LRRK2: variants seen among roughly 807,000 people sequenced by gnomAD.
The protein encoded by LRRK2 is leucine rich repeat kinase 2.
Under a neutral mutation model 302.6 loss-of-function variants are expected in LRRK2, and 203 were observed. The ratio of observed to expected loss-of-function variants is 0.67; its 90% CI spans 0.60 to 0.75. The LOEUF (loss-of-function observed/expected upper bound fraction) is 0.75. LRRK2 is among the 30% of genes least tolerant of loss of function. The probability of loss-of-function intolerance (pLI) is 0.00; values close to 1 mark genes in which losing one functional copy is unlikely to be tolerated. For missense variants in LRRK2, 2,830 were observed against 2,951.0 expected, an observed-to-expected ratio of 0.96 and a Z score of 0.95; for synonymous variants, 1,066 against 1,031.9, an observed-to-expected ratio of 1.03 and a Z score of -0.63.
chr12:40,246,151 G>GT (rs1282022833), intron 7 of LRRK2, among the ~76,000 whole-genome samples: 3 of 151,502 alleles, frequency 2.0e-5, no homozygotes, highest in African/African-American at 7.3e-5. Context: ...CTTTGCTTTT[G>GT]TTTTTTCAAT....
Position 40,225,143 on chromosome 12 carries a change from C to T in LRRK2, c.12C>T (p.Gly4=). The change falls in exon 1 of 51, where the codon GGC becomes GGT. Residue 4 remains glycine, a synonymous_variant. Coordinates refer to ENST00000298910, the MANE Select transcript of LRRK2 (RefSeq NM_198578.4). ...AAGCAGGTGCCACCATGGCTAGTGG[C>T]AGCTGTCAGGGGTGCGAAGAGGACG... MAS[G]SCQGCEEDEE... 1 of 1,613,930 alleles carries T rather than the reference C, an allele frequency of 6.2e-7. No individual in the cohort carries two copies. The highest frequency in any genetic ancestry group is 8.5e-7 in the Non-Finnish European group (1 of 1,179,990).
At chr12:40,281,059 C>T (rs918094436) in intron 18 of LRRK2, among the ~76,000 whole-genome samples, 4 of 129,660 alleles carry the variant, frequency 3.1e-5, no homozygotes, top group Non-Finnish European at 5.0e-5. Flanking sequence ...CAGAGTGAGA[C>T]TCCGTCTCAA....
chr12:40,299,078 A>G (rs200110253), intron 24 of LRRK2, 31 bp from the exon 25 acceptor site: 5 of 1,608,566 alleles, frequency 3.1e-6, no homozygotes, highest in Non-Finnish European at 4.2e-6. Context: ...AATTTATGCA[A>G]TTTAATCATT....
chr12:40,233,161 G>A (rs1474522568), intron 3 of LRRK2, among the ~76,000 whole-genome samples: 1 of 152,160 alleles, frequency 6.6e-6, no homozygotes, highest in African/African-American at 2.4e-5. Context: ...AGGTTGCAGT[G>A]AGCCGAGATT....
chr12:40,368,513 A>G lies in LRRK2; in HGVS notation c.*748A>G, dbSNP rs912117117. ...TTTTCAACTCTATGTTTGAATGTGG[A>G]TACCCTGAATTTTGTATAATTAGTG... On this transcript the variant is annotated 3_prime_UTR_variant, in exon 51 of 51. Coordinates refer to ENST00000298910, the MANE Select transcript of LRRK2 (RefSeq NM_198578.4). The G allele has an allele frequency of 2.6e-5, 4 of 151,826 alleles. No homozygotes were observed. The highest frequency in any genetic ancestry group is 1.3e-4 in the Admixed American group (2 of 15,186). The allele number at this position is 151,826 out of a possible 1,614,324, so 9.4% of individuals were successfully genotyped here. A position where few individuals can be genotyped will look rare whatever the true frequency, so the allele number is the denominator to read the frequency against.
intron 43 of LRRK2, among the ~76,000 whole-genome samples, chr12:40,349,277 T>G (rs1164962021): frequency 6.6e-6 from 1 of 152,216 alleles, no homozygotes; most frequent in Non-Finnish European, 1.5e-5. Context: ...TTATTTTTCC[T>G]CCAGTATTAC....
intron 10 of LRRK2, 105 bp downstream of exon 10, chr12:40,251,649 A>G (rs999593662): frequency 4.7e-5 from 48 of 1,029,424 alleles, no homozygotes; most frequent in Non-Finnish European, 6.8e-5. Flanking sequence ...TATTTTTGAT[A>G]TAGGCATTTA....
At chr12:40,320,806 C>A (rs554922212) in intron 34 of LRRK2, among the ~76,000 whole-genome samples, 2 of 151,886 alleles carry the variant, frequency 1.3e-5, no homozygotes, top group Non-Finnish European at 2.9e-5. Context: ...TATTAGTGCA[C>A]AGGGATTACC....
intron 11 of LRRK2, among the ~76,000 whole-genome samples, chr12:40,255,098 G>A (rs1487718841): frequency 6.6e-6 from 1 of 152,136 alleles, no homozygotes; most frequent in Non-Finnish European, 1.5e-5. Flanking sequence ...TATTTATTGA[G>A]CTCCCAAGTG....
Position 40,252,964 on chromosome 12 carries a change from G to A in LRRK2, c.1236G>A (p.Lys412=). The part of the protein sequence containing the change: ...MLSMLMHSSS[K]EVFQASANAL... ...CCATGCTGATGCATTCTTCATCAAA[G>A]GAAGTTTTCCAGGCATCTGCGAATG... The change falls in exon 11 of 51, where the codon AAG becomes AAA. Residue 412 remains lysine, a synonymous_variant. Coordinates refer to ENST00000298910, the MANE Select transcript of LRRK2 (RefSeq NM_198578.4). 6.2e-7 allele frequency: 1 copy of A among 1,613,442 alleles called. No individual in the cohort carries two copies. The highest frequency in any genetic ancestry group is 1.1e-5 in the South Asian group (1 of 91,074).
chr12:40,281,740 A>C (rs1435674920), intron 18 of LRRK2, among the ~76,000 whole-genome samples: 1 of 152,214 alleles, frequency 6.6e-6, no homozygotes, highest in Non-Finnish European at 1.5e-5. Flanking sequence ...ATGGCACCAT[A>C]TGCCTAAAGT....
intron 40 of LRRK2, among the ~76,000 whole-genome samples, chr12:40,336,400 T>C (rs969804807): frequency 6.6e-6 from 1 of 152,230 alleles, no homozygotes; most frequent in African/African-American, 2.4e-5. Flanking sequence ...TTTTAAAAAC[T>C]TATTTATTGT....
chr12:40,319,796 T>C (rs1156690845), intron 33 of LRRK2, among the ~76,000 whole-genome samples, 192 bp from the exon 34 acceptor site: 1 of 152,042 alleles, frequency 6.6e-6, no homozygotes, highest in Non-Finnish European at 1.5e-5. Context: ...ATTTTTTTTT[T>C]TTTTTTGAGA....
intron 11 of LRRK2, among the ~76,000 whole-genome samples, chr12:40,257,029 A>T (rs1942546731): frequency 6.6e-6 from 1 of 152,194 alleles, no homozygotes; most frequent in Non-Finnish European, 1.5e-5. Context: ...TAAAACCAAA[A>T]TCCCAACAAA....
intron 14 of LRRK2, among the ~76,000 whole-genome samples, chr12:40,272,427 G>A (rs570521872): frequency 1.8e-4 from 28 of 152,266 alleles, no homozygotes; most frequent in African/African-American, 6.3e-4. Context: ...TTTTTCATCT[G>A]TACTTCGGGA....
intron 8 of LRRK2, among the ~76,000 whole-genome samples, chr12:40,250,300 G>A (rs961286439): frequency 6.6e-6 from 1 of 151,826 alleles, no homozygotes; most frequent in African/African-American, 2.4e-5. Flanking sequence ...GACCAGCCTG[G>A]CCAACATGGT....
intron 18 of LRRK2, among the ~76,000 whole-genome samples, chr12:40,280,784 C>T (rs1048130423): frequency 7.3e-5 from 11 of 151,268 alleles, no homozygotes; most frequent in East Asian, 3.9e-4. Flanking sequence ...CAAAACCAAC[C>T]GGTCGGGTGC....
chr12:40,295,710 G>C (rs1944360781), intron 23 of LRRK2, 66 bp downstream of exon 23: 1 of 1,449,282 alleles, frequency 6.9e-7, no homozygotes, highest in East Asian at 2.4e-5. Context: ...TATCTAATTT[G>C]CATAATTAAG....
At chr12:40,226,540 T>C (rs1463934724) in intron 2 of LRRK2, among the ~76,000 whole-genome samples, 5 of 152,198 alleles carry the variant, frequency 3.3e-5, no homozygotes, top group Non-Finnish European at 7.3e-5. Flanking sequence ...GGGTCTATCT[T>C]TATCTTGATG....
Sources: gnomAD v4.1 joint callset for allele counts (sites outside exome capture counted in the v4.1 genomes callset) on GRCh38, gnomAD v4.1.1 for gene constraint, MANE v1.5 for transcripts, NCBI Gene and HGNC (gene_info 2026-07-23, HGNC 2026-07-21) for gene names.